RARB: variants seen among roughly 807,000 people sequenced by gnomAD.
The protein encoded by RARB is HBV-activated protein.
In RARB, 17 loss-of-function variants were observed where a neutral mutation model predicts 51.9. The ratio of observed to expected loss-of-function variants is 0.33; its 90% CI spans 0.22 to 0.49. RARB has a LOEUF of 0.49. RARB is among the 20% of genes least tolerant of loss of function. RARB has a pLI of 0.99. For missense variants in RARB, 369 were observed against 550.8 expected, an observed-to-expected ratio of 0.67 and a Z score of 3.30; for synonymous variants, 215 against 195.4, an observed-to-expected ratio of 1.10 and a Z score of -0.84.
At chr3:24,971,680 A>G (rs1559416649) in intron 2 of RARB, among the ~76,000 whole-genome samples, 1 of 152,066 alleles carries the variant, frequency 6.6e-6, no homozygotes, top group Non-Finnish European at 1.5e-5. Flanking sequence ...ACATGATCAG[A>G]GCAGTGGCTT....
At chr3:25,171,616 G>T (rs1466364089) in intron 4 of RARB, among the ~76,000 whole-genome samples, 1 of 100,760 alleles carries the variant, frequency 9.9e-6, no homozygotes, top group Admixed American at 1.5e-4. Flanking sequence ...TGGAATAATG[G>T]TTTTTTCCCA....
chr3:25,351,281 G>A (rs11718836), intron 5 of RARB, among the ~76,000 whole-genome samples: 19,443 of 151,704 alleles, frequency 0.13, 1,315 homozygotes, highest in South Asian at 0.2. Context: ...TTTCTCTCTG[G>A]TTTGCTTTCT....
chr3:25,136,092 T>C (rs1345395467), intron 4 of RARB, among the ~76,000 whole-genome samples: 2 of 151,926 alleles, frequency 1.3e-5, no homozygotes, highest in East Asian at 1.9e-4. Flanking sequence ...CCTCTTAGAA[T>C]ATAAGAATAA....
At chr3:25,029,952 G>C (rs1464560889) in intron 2 of RARB, among the ~76,000 whole-genome samples, 1 of 152,144 alleles carries the variant, frequency 6.6e-6, no homozygotes, top group East Asian at 1.9e-4. Context: ...CACTGAATTT[G>C]GGGACGTATG....
intron 2 of RARB, among the ~76,000 whole-genome samples, chr3:24,930,056 A>T (rs912205804): frequency 6.6e-6 from 1 of 152,082 alleles, no homozygotes; most frequent in African/African-American, 2.4e-5. Context: ...ACTCCTTTTG[A>T]TGTGAAATAT....
chr3:24,938,444 C>A (rs1695590366), intron 2 of RARB, among the ~76,000 whole-genome samples: 3 of 152,006 alleles, frequency 2.0e-5, no homozygotes, highest in Admixed American at 2.0e-4. Context: ...TGTTTTCAGT[C>A]CAGTAGATAT....
chr3:25,428,732 ATGTT>A lies in RARB; in HGVS notation c.4_7del (p.Phe2_?3). The stretch of plus-strand genomic sequence containing the variant: ...GCAGACATTCAGTGCAAGGGAGATC[ATGTT>A]TGACTGTATGGATGTTCTGTCAGTG... On this transcript the variant is annotated frameshift_variant and start_lost, in exon 1 of 8. Coordinates refer to ENST00000330688, the MANE Select transcript of RARB (RefSeq NM_000965.5). LOFTEE classifies it high-confidence loss of function. The A allele has an allele frequency of 6.2e-7, 1 of 1,613,442 alleles. No individual in the cohort carries two copies. Among genetic ancestry groups the A allele is most frequent in the Admixed American group, 1.7e-5 (1 of 60,004 alleles).
intron 5 of RARB, among the ~76,000 whole-genome samples, chr3:25,342,899 GC>G (rs910547150): frequency 6.6e-6 from 1 of 152,114 alleles, no homozygotes; most frequent in African/African-American, 2.4e-5. Context: ...TTGTGATGGA[GC>G]CCAGTGCTGC....
intron 5 of RARB, among the ~76,000 whole-genome samples, chr3:25,295,737 G>A (rs1390573338): frequency 2.0e-5 from 3 of 152,082 alleles, no homozygotes; most frequent in Non-Finnish European, 1.5e-5. Flanking sequence ...GGACAAGATG[G>A]GACTATTTCT....
chr3:25,310,689 T>C lies in RARB; in HGVS notation c.178+136114T>C, dbSNP rs150912958. ...GTGACTATGGGCTGACAACCCTCCTTGTCTGGGCTACCATTTTCTTTACCC... is the reference window on the plus strand; with the variant it reads ...GTGACTATGGGCTGACAACCCTCCTCGTCTGGGCTACCATTTTCTTTACCC... On this transcript the variant is annotated intron_variant, in intron 5 of 11. Transcript: ENST00000383772. Among the ~76,000 whole-genome samples the C allele has an allele frequency of 8.5e-5, 13 of 152,284 alleles. No individual in the cohort carries two copies. The East Asian group carries it at 1.9e-3, about 23-fold the overall frequency.
intron 2 of RARB, among the ~76,000 whole-genome samples, chr3:24,962,635 A>AG (rs1227953290): frequency 6.6e-6 from 1 of 152,176 alleles, no homozygotes; most frequent in Admixed American, 6.5e-5. Context: ...CGATTCTCAT[A>AG]GGAGCACAAA....
intron 2 of RARB, among the ~76,000 whole-genome samples, chr3:24,970,492 T>C (rs1051998399): frequency 6.6e-6 from 1 of 151,810 alleles, no homozygotes; most frequent in Admixed American, 6.6e-5. Context: ...ATGGTGCAGT[T>C]AACTGGACTT....
chr3:24,945,894 C>T (rs1183893620), intron 2 of RARB, among the ~76,000 whole-genome samples: 1 of 152,192 alleles, frequency 6.6e-6, no homozygotes, highest in Non-Finnish European at 1.5e-5. Flanking sequence ...TGGTAAGTCT[C>T]CTCCAAAGTT....
intron 5 of RARB, among the ~76,000 whole-genome samples, chr3:25,366,357 A>G (rs1292707771): frequency 6.6e-6 from 1 of 152,226 alleles, no homozygotes; most frequent in Admixed American, 6.5e-5. Context: ...TCTACCCCTC[A>G]GGATTACTAT....
At chr3:25,344,770 T>C (rs1472488840) in intron 5 of RARB, among the ~76,000 whole-genome samples, 1 of 152,200 alleles carries the variant, frequency 6.6e-6, no homozygotes, top group African/African-American at 2.4e-5. Context: ...CTAGTGTAAC[T>C]CCTGGTCATT....
chr3:25,141,432 C>A (rs1305112695), intron 4 of RARB, among the ~76,000 whole-genome samples: 1 of 152,150 alleles, frequency 6.6e-6, no homozygotes, highest in Non-Finnish European at 1.5e-5. Flanking sequence ...CAATTTACCA[C>A]TTTAGGTGGC....
At chr3:25,251,013 T>C (rs1462511484) in intron 5 of RARB, among the ~76,000 whole-genome samples, 2 of 152,274 alleles carry the variant, frequency 1.3e-5, no homozygotes, top group Admixed American at 6.5e-5. Flanking sequence ...GCCTTAGGTG[T>C]TTCCTGTTAC....
At chr3:25,377,645 G>T (rs1575354908) in intron 5 of RARB, among the ~76,000 whole-genome samples, 1 of 152,094 alleles carries the variant, frequency 6.6e-6, no homozygotes, top group Non-Finnish European at 1.5e-5. Context: ...GCATTTAGTT[G>T]GGATTGTAGA....
At chr3:25,293,804 T>C (rs1703849441) in intron 5 of RARB, among the ~76,000 whole-genome samples, 1 of 152,108 alleles carries the variant, frequency 6.6e-6, no homozygotes, top group Non-Finnish European at 1.5e-5. Flanking sequence ...AATGAAGAAC[T>C]GGTTCTGCTC....
Sources: gnomAD v4.1 joint callset for allele counts (sites outside exome capture counted in the v4.1 genomes callset) on GRCh38, gnomAD v4.1.1 for gene constraint, MANE v1.5 for transcripts, NCBI Gene and HGNC (gene_info 2026-07-23, HGNC 2026-07-21) for gene names.